SLCO5A1: variants seen among roughly 807,000 people sequenced by gnomAD.
The protein encoded by SLCO5A1 is solute carrier organic anion transporter family member 5A1, also known as organic anion transporter polypeptide-related protein 4.
In SLCO5A1, 39 loss-of-function variants were observed where a neutral mutation model predicts 65.1. That is an observed-to-expected ratio of 0.60 (90% confidence interval 0.46 to 0.78). The LOEUF (loss-of-function observed/expected upper bound fraction) is 0.78. Among genes scored for constraint, SLCO5A1 ranks in the 30% least tolerant of loss-of-function variants. The pLI, the probability that SLCO5A1 is intolerant of heterozygous loss-of-function variation, is 0.00. For missense variants in SLCO5A1, 1,029 were observed against 1,069.4 expected (o/e 0.96, Z 0.53); for synonymous variants, 438 against 415.7 (o/e 1.05, Z -0.65).
chr8:69,769,814 C>T (rs1161831228), intron 2 of SLCO5A1, among the ~76,000 whole-genome samples: 3 of 152,058 alleles, frequency 2.0e-5, no homozygotes, highest in Admixed American at 2.0e-4. Flanking sequence ...GAGTTGAACA[C>T]GTGTGTGTCT....
intron 2 of SLCO5A1, among the ~76,000 whole-genome samples, chr8:69,775,555 G>T (rs898227510): frequency 1.3e-5 from 2 of 152,154 alleles, no homozygotes; most frequent in African/African-American, 2.4e-5. Context: ...TATCAGGAAG[G>T]CATGTAAAAT....
chr8:69,773,396 C>T (rs753804300), intron 2 of SLCO5A1, among the ~76,000 whole-genome samples: 4 of 152,162 alleles, frequency 2.6e-5, no homozygotes, highest in Admixed American at 6.5e-5. Flanking sequence ...GGAGTCCAGG[C>T]GCTCATCCTC....
At chr8:69,784,725 C>A (rs1031501569) in intron 2 of SLCO5A1, among the ~76,000 whole-genome samples, 3 of 149,544 alleles carry the variant, frequency 2.0e-5, no homozygotes, top group African/African-American at 7.4e-5. Context: ...CAGGCAGAGG[C>A]TACAGTGAGT....
Position 69,832,631 on chromosome 8 carries a change from G to T in SLCO5A1, c.43C>A (p.Leu15Met). The T allele has an allele frequency of 6.2e-7, 1 of 1,608,982 alleles. No homozygotes were observed. ...TGLQPGAGEQLEAPATAEAVQ... is the reference protein window; with the variant it reads ...TGLQPGAGEQMEAPATAEAVQ... ...GCTTCTGCAGTGGCCGGCGCCTCCA[G>T]CTGCTCTCCCGCCCCGGGCTGCAGT... The change falls in exon 2 of 10, where the codon CTG (leucine) becomes ATG (methionine). Residue 15 changes from leucine (L) to methionine (M), a missense_variant. Around this residue, in one of 3 missense-constraint regions of SLCO5A1, gnomAD observed 647 missense variants for 647.5 expected, o/e 1.00. Coordinates refer to ENST00000260126, the MANE Select transcript of SLCO5A1 (RefSeq NM_030958.3). The surrounding 1 kb of genome is among the most constrained non-coding windows in gnomAD (Gnocchi z 4.5).
At chr8:69,703,829 C>T (rs367969383) in intron 6 of SLCO5A1, among the ~76,000 whole-genome samples, 18 of 152,140 alleles carry the variant, frequency 1.2e-4, no homozygotes, top group African/African-American at 4.3e-4. Flanking sequence ...GTATTAAAGA[C>T]AAGGATAATA....
chr8:69,745,704 C>T (rs1414322302), intron 4 of SLCO5A1, among the ~76,000 whole-genome samples: 1 of 152,116 alleles, frequency 6.6e-6, no homozygotes, highest in Non-Finnish European at 1.5e-5. Flanking sequence ...CACTAAAATA[C>T]ATACCCTTTT....
At chr8:69,775,472 A>G (rs922326368) in intron 2 of SLCO5A1, among the ~76,000 whole-genome samples, 1 of 152,330 alleles carries the variant, frequency 6.6e-6, no homozygotes, top group East Asian at 1.9e-4. Flanking sequence ...ATAATAAAAA[A>G]AATCAGATTG....
chr8:69,828,633 G>T (rs1821033090), intron 2 of SLCO5A1, among the ~76,000 whole-genome samples: 1 of 151,734 alleles, frequency 6.6e-6, no homozygotes, highest in South Asian at 2.1e-4. Context: ...AAAAGAAGGA[G>T]GAAAGAAAAT....
chr8:69,736,677 G>A (rs762106033), intron 5 of SLCO5A1, among the ~76,000 whole-genome samples: 3 of 152,222 alleles, frequency 2.0e-5, no homozygotes, highest in Non-Finnish European at 4.4e-5. Flanking sequence ...GCATATTAAA[G>A]GAAATGAAAG....
chr8:69,773,070 G>C, intron 2 of SLCO5A1: 1 of 563,062 alleles, frequency 1.8e-6, no homozygotes, highest in Non-Finnish European at 2.3e-6. Flanking sequence ...AGCACACATG[G>C]GCAAAGGCAC....
At chr8:69,711,422 T>C (rs1391625569) in intron 5 of SLCO5A1, among the ~76,000 whole-genome samples, 1 of 151,872 alleles carries the variant, frequency 6.6e-6, no homozygotes, top group East Asian at 1.9e-4. Flanking sequence ...GGCCAAGACC[T>C]GGGGAGCGCA....
chr8:69,824,354 G>C (rs1820777426), intron 2 of SLCO5A1, among the ~76,000 whole-genome samples: 1 of 152,088 alleles, frequency 6.6e-6, no homozygotes. Context: ...TTTTTGAACA[G>C]ATCAACAATA....
intron 2 of SLCO5A1, among the ~76,000 whole-genome samples, chr8:69,765,243 T>C (rs147877713): frequency 2.1e-4 from 32 of 152,162 alleles, no homozygotes; most frequent in African/African-American, 7.7e-4. Flanking sequence ...GGCACACATA[T>C]ACACACATAT....
chr8:69,821,021 T>C (rs1365136747), intron 2 of SLCO5A1, among the ~76,000 whole-genome samples: 1 of 152,178 alleles, frequency 6.6e-6, no homozygotes, highest in Non-Finnish European at 1.5e-5. Flanking sequence ...GTGCTCTTTC[T>C]AAGGCATGGG....
intron 2 of SLCO5A1, among the ~76,000 whole-genome samples, chr8:69,800,535 A>T (rs1819687544): frequency 6.6e-6 from 1 of 152,088 alleles, no homozygotes; most frequent in South Asian, 2.1e-4. Flanking sequence ...CACCAAAGGG[A>T]TACCAACTGG....
At chr8:69,813,197 TA>T (rs74909916) in intron 2 of SLCO5A1, among the ~76,000 whole-genome samples, 1,581 of 148,018 alleles carry the variant, frequency 0.011, 24 homozygotes, top group South Asian at 0.071. Context: ...GTTCTCTTTA[TA>T]AAAAAAAAAG....
chr8:69,833,999 T>C (rs1400785856), intron 1 of SLCO5A1: 1 of 152,218 alleles, frequency 6.6e-6, no homozygotes, highest in Non-Finnish European at 1.5e-5. Flanking sequence ...CGGAGCCGGC[T>C]GGGCGCACGC....
intron 6 of SLCO5A1, among the ~76,000 whole-genome samples, chr8:69,684,410 G>A (rs1283022357): frequency 6.6e-6 from 1 of 152,104 alleles, no homozygotes; most frequent in African/African-American, 2.4e-5. Flanking sequence ...AAAGAAACTG[G>A]CCAAATCCAG....
intron 2 of SLCO5A1, among the ~76,000 whole-genome samples, chr8:69,770,119 TC>T (rs1818253117): frequency 6.6e-6 from 1 of 152,224 alleles, no homozygotes; most frequent in Admixed American, 6.5e-5. Flanking sequence ...TTTTTCTATG[TC>T]AATAAATATT....
Sources: gnomAD v4.1 joint callset for allele counts (sites outside exome capture counted in the v4.1 genomes callset) on GRCh38, gnomAD v4.1.1 for gene constraint, gnomAD v4.1.1 regional missense constraint, Gnocchi (gnomAD v3.1) non-coding constraint, MANE v1.5 for transcripts, NCBI Gene and HGNC (gene_info 2026-07-23, HGNC 2026-07-21) for gene names.